Variants in PDGFC observed in about 807,000 individuals in gnomAD.
The protein encoded by PDGFC is platelet derived growth factor C, also known as platelet-derived growth factor C.
Under a neutral mutation model 35.5 loss-of-function variants are expected in PDGFC, and 12 were observed. That is an observed-to-expected ratio of 0.34 (90% CI 0.22 to 0.55). The LOEUF (loss-of-function observed/expected upper bound fraction) is 0.55, where lower values mean the gene tolerates loss of function less well. Among genes scored for constraint, PDGFC ranks in the 20% least tolerant of loss-of-function variants. PDGFC has a pLI of 0.91. For synonymous variants in PDGFC, 159 were observed against 148.8 expected (o/e 1.07, Z -0.50); for missense variants, 322 against 412.4 (o/e 0.78, Z 1.90).
chr4:156,943,490 G>T (rs533907494), intron 1 of PDGFC, among the ~76,000 whole-genome samples: 16 of 152,182 alleles, frequency 1.1e-4, no homozygotes, highest in Admixed American at 9.8e-4. Context: ...GATCCGGGAG[G>T]ATTCAAATGC....
At chr4:156,875,531 T>C (rs1424299729) in intron 1 of PDGFC, among the ~76,000 whole-genome samples, 1 of 152,080 alleles carries the variant, frequency 6.6e-6, no homozygotes, top group East Asian at 1.9e-4. Flanking sequence ...AGGTAAATAG[T>C]AAAATAAATA....
intron 1 of PDGFC, 56 bp downstream of exon 1, chr4:156,970,730 C>G: frequency 9.0e-7 from 1 of 1,106,262 alleles, no homozygotes; most frequent in East Asian, 2.4e-5. Flanking sequence ...CGCACAATGC[C>G]AACGTTAACA....
intron 2 of PDGFC, among the ~76,000 whole-genome samples, chr4:156,831,833 A>G (rs1728943123): frequency 6.6e-6 from 1 of 152,084 alleles, no homozygotes; most frequent in African/African-American, 2.4e-5. Flanking sequence ...ATTAGATACA[A>G]TTTTTCAAAC....
At chr4:156,769,505 C>G (rs1184216911) in intron 4 of PDGFC, among the ~76,000 whole-genome samples, 4 of 151,874 alleles carry the variant, frequency 2.6e-5, no homozygotes, top group African/African-American at 9.7e-5. Flanking sequence ...TAGGAAAGCA[C>G]CAAAGAAATC....
At position 156,810,737 on chromosome 4, in the gene PDGFC, T is replaced by C. The variant is rs1579023939; in HGVS notation, c.495+100A>G. Reference sequence around the variant, plus strand: ...AAAATGAAATCCCAGCTAGGTTTGTTTTCTGATTTTTTTTCTGATTCTCAT... The same window carrying C: ...AAAATGAAATCCCAGCTAGGTTTGTCTTCTGATTTTTTTTCTGATTCTCAT... On this transcript the variant is annotated intron_variant, in intron 3 of 5. Transcript: ENST00000502773. 1.0e-5 allele frequency: 8 copies of C among 773,318 alleles called. No homozygotes were observed. The East Asian group carries it at 2.2e-4, about 22-fold the overall frequency. The allele number at this position is 773,318 out of a possible 1,614,324, so 47.9% of individuals were successfully genotyped here. A position where few individuals can be genotyped will look rare whatever the true frequency, so the allele number is the denominator to read the frequency against.
intron 1 of PDGFC, among the ~76,000 whole-genome samples, chr4:156,915,928 T>C (rs2110822814): frequency 6.6e-6 from 1 of 152,200 alleles, no homozygotes; most frequent in East Asian, 1.9e-4. Context: ...ATTCTGTGGG[T>C]TCCTGGGATT....
At chr4:156,938,138 T>C (rs527629728) in intron 1 of PDGFC, among the ~76,000 whole-genome samples, 1 of 151,142 alleles carries the variant, frequency 6.6e-6, no homozygotes, top group Admixed American at 6.6e-5. Flanking sequence ...TATATGAAAA[T>C]ACACACACAC....
rs1730384866 is a variant in PDGFC at position 156,761,873 on chromosome 4, T to C, written c.*1217A>G. 6.6e-6 allele frequency: 1 copy of C among 152,652 alleles called. No homozygotes were observed. 9.5% of individuals were successfully genotyped at this position (152,652 alleles called of 1,614,324 possible). A position where few individuals can be genotyped will look rare whatever the true frequency, so the allele number is the denominator to read the frequency against. ...CCACAACATCACAATAAATAGGATG[T>C]GTTCCTACTGCACAGCACAGCACGC... On this transcript the variant is annotated 3_prime_UTR_variant, in exon 6 of 6. Coordinates refer to ENST00000502773, the MANE Select transcript of PDGFC (RefSeq NM_016205.3).
chr4:156,895,049 A>T (rs1447492996), intron 1 of PDGFC, among the ~76,000 whole-genome samples: 1 of 152,152 alleles, frequency 6.6e-6, no homozygotes, highest in African/African-American at 2.4e-5. Flanking sequence ...AGTTCAGATA[A>T]CATATCACAC....
At chr4:156,824,824 T>C (rs769602000) in intron 2 of PDGFC, among the ~76,000 whole-genome samples, 6 of 152,144 alleles carry the variant, frequency 3.9e-5, no homozygotes, top group Non-Finnish European at 7.4e-5. Flanking sequence ...TTCTGTACTC[T>C]CCATGAGAGA....
intron 1 of PDGFC, among the ~76,000 whole-genome samples, chr4:156,855,622 G>A (rs1729556174): frequency 6.6e-6 from 1 of 152,118 alleles, no homozygotes; most frequent in Admixed American, 6.6e-5. Flanking sequence ...CTTAGAGTGA[G>A]ATGCATGTAT....
At chr4:156,913,093 C>A (rs567233012) in intron 1 of PDGFC, among the ~76,000 whole-genome samples, 3 of 152,116 alleles carry the variant, frequency 2.0e-5, no homozygotes, top group South Asian at 4.2e-4. Context: ...CTTGTTACCC[C>A]CTTCTTCTTC....
rs574609441 is a variant in PDGFC at position 156,807,272 on chromosome 4, A to T, written c.495+3565T>A. Among the ~76,000 whole-genome samples the T allele has an allele frequency of 7.4e-4, 112 of 152,170 alleles. 1 individual carries two copies. Among genetic ancestry groups the T allele is most frequent in the African/African-American group, 2.6e-3 (110 of 41,554 alleles). ...CTGTTTTAAAAAGCTATAACTAGCTATAACCTCAAGTAAATAACATATGCT... is the reference window on the plus strand; with the variant it reads ...CTGTTTTAAAAAGCTATAACTAGCTTTAACCTCAAGTAAATAACATATGCT... On this transcript the variant is annotated intron_variant, in intron 3 of 5. Transcript: ENST00000502773.
At chr4:156,773,390 A>C (rs2110819492) in intron 3 of PDGFC, among the ~76,000 whole-genome samples, 1 of 152,314 alleles carries the variant, frequency 6.6e-6, no homozygotes, top group Admixed American at 6.5e-5. Flanking sequence ...TCAAGATAGA[A>C]AATATCTAAA....
chr4:156,971,435 G>T lies in PDGFC; in HGVS notation c.-532C>A, dbSNP rs531122723. Reference sequence around the variant, plus strand: ...CCCACCCCCCACCCCCGAAGGGGGAGGGGGAAGAAACAAGGCGAGGGCGCC... The same window carrying T: ...CCCACCCCCCACCCCCGAAGGGGGATGGGGAAGAAACAAGGCGAGGGCGCC... On this transcript the variant is annotated 5_prime_UTR_variant, in exon 1 of 6. Coordinates refer to ENST00000502773, the MANE Select transcript of PDGFC (RefSeq NM_016205.3). 1.3e-3 allele frequency: 486 copies of T among 370,118 alleles called. 2 individuals carry two copies. The highest frequency in any genetic ancestry group is 2.5e-3 in the Admixed American group (54 of 21,718). The allele number at this position is 370,118 out of a possible 1,614,324, so 22.9% of individuals were successfully genotyped here.
chr4:156,764,350 A>C lies in PDGFC; in HGVS notation c.922-1144T>G, dbSNP rs1381166692. Among the ~76,000 whole-genome samples the C allele has an allele frequency of 2.6e-5, 4 of 152,196 alleles. No individual in the cohort carries two copies. In the East Asian group the frequency reaches 5.8e-4, roughly 22 times the overall value. ...ATTTTTTGAATGCTTACTGGGTGCCAGGCACAATAATAACGTTTTTACATA... is the reference window on the plus strand; with the variant it reads ...ATTTTTTGAATGCTTACTGGGTGCCCGGCACAATAATAACGTTTTTACATA... On this transcript the variant is annotated intron_variant, in intron 5 of 5. Transcript: ENST00000502773.
chr4:156,868,295 T>C (rs954624606), intron 1 of PDGFC, among the ~76,000 whole-genome samples: 3 of 152,344 alleles, frequency 2.0e-5, no homozygotes, highest in Admixed American at 2.0e-4. Flanking sequence ...GAAATATTTA[T>C]GTAATGCAAA....
intron 1 of PDGFC, among the ~76,000 whole-genome samples, chr4:156,899,814 C>A (rs1300659169): frequency 6.6e-6 from 1 of 151,890 alleles, no homozygotes; most frequent in African/African-American, 2.4e-5. Flanking sequence ...GACTCCATCT[C>A]AAAAAATTAA....
At chr4:156,931,566 T>C (rs1731550704) in intron 1 of PDGFC, among the ~76,000 whole-genome samples, 1 of 152,150 alleles carries the variant, frequency 6.6e-6, no homozygotes, top group African/African-American at 2.4e-5. Flanking sequence ...ACACCTTAAC[T>C]GTTTATTAGA....
Sources: gnomAD v4.1 joint callset for allele counts (sites outside exome capture counted in the v4.1 genomes callset) on GRCh38, gnomAD v4.1.1 for gene constraint, MANE v1.5 for transcripts, NCBI Gene and HGNC (gene_info 2026-07-23, HGNC 2026-07-21) for gene names.